MYO15B: variants seen among roughly 807,000 people sequenced by gnomAD.
MYO15B encodes myosin XVB pseudogene.
MYO15B carries 207 observed loss-of-function variants against 119.3 expected under a neutral mutation model. The observed-to-expected ratio is 1.73, with a 90% CI of 1.55 to 1.95. The LOEUF (loss-of-function observed/expected upper bound fraction) is 1.95. MYO15B is among the 30% of genes most tolerant of loss of function. The pLI is 0.00. For missense variants in MYO15B, 2,264 were observed against 1,203.1 expected (o/e 1.88, Z -13.04); for synonymous variants, 966 against 498.9 (o/e 1.94, Z -12.48).
intron 14 of MYO15B, among the ~76,000 whole-genome samples, chr17:75,599,247 A>G (rs916419706): frequency 3.3e-5 from 5 of 149,736 alleles, no homozygotes; most frequent in Admixed American, 6.6e-5. Context: ...GACTCCTACT[A>G]TCATTCCCAA....
chr17:75,619,759 G>A (rs1046020111), exon 46 of MYO15B: 15 of 702,780 alleles, frequency 2.1e-5, no homozygotes, highest in South Asian at 1.2e-4. Flanking sequence ...CCAAGGCCCC[G>A]GCCTCCGCCC....
At chr17:75,611,608 G>T (rs2058034517) in exon 24 of MYO15B, 1 of 702,810 alleles carries the variant, frequency 1.4e-6, no homozygotes, top group East Asian at 2.7e-5. Flanking sequence ...CAGGAGCTGG[G>T]GCGCTTGGAG....
Position 75,594,978 on chromosome 17 carries a change from C to A in MYO15B, c.3297+6C>A. On this transcript the variant is annotated splice_donor_region_variant and intron_variant, in intron 12 of 63. Transcript: ENST00000645453. ...TGGATGCCTACGGCTTTGAGGTCAC[C>A]CCTTGGGGTGGGGCCCAGGAAAGGG... 1.4e-6 allele frequency: 1 copy of A among 702,874 alleles called. No homozygotes were observed. Among genetic ancestry groups the A allele is most frequent in the Non-Finnish European group, 2.6e-6 (1 of 384,910 alleles). 43.5% of individuals were successfully genotyped at this position (702,874 alleles called of 1,614,324 possible). A position where few individuals can be genotyped will look rare whatever the true frequency, so the allele number is the denominator to read the frequency against.
chr17:75,615,828 C>T (rs1368368184), exon 36 of MYO15B: 5 of 702,494 alleles, frequency 7.1e-6, no homozygotes, highest in South Asian at 1.5e-5. Context: ...CAGGAAGCCC[C>T]CCACACCCCC....
chr17:75,602,891 C>T (rs374985606), exon 17 of MYO15B: 14 of 686,338 alleles, frequency 2.0e-5, no homozygotes, highest in South Asian at 9.3e-5. Flanking sequence ...GGCAGACCCA[C>T]GCTGGCCTCT....
In MYO15B at chr17:75,602,878, C is replaced by T. The variant is rs1321433575; in HGVS notation, c.3778C>T (p.Arg1260Ter). Reference sequence around the variant, plus strand: ...GGCAGAGCCCCAGTCCAGGGGAGGGCGAGGCAGACCCACGCTGGCCTCTCG... The same window carrying T: ...GGCAGAGCCCCAGTCCAGGGGAGGGTGAGGCAGACCCACGCTGGCCTCTCG... The change falls in exon 17 of 64, where the codon CGA (arginine) becomes TGA (stop). Residue 1260 changes from arginine to a stop codon, truncating the protein, a stop_gained. Coordinates refer to ENST00000645453, the Ensembl canonical transcript of MYO15B. LOFTEE classifies it high-confidence loss of function. 5 of 676,744 alleles carry T rather than the reference C, an allele frequency of 7.4e-6. No homozygotes were observed. The highest frequency in any genetic ancestry group is 2.1e-5 in the Admixed American group (1 of 47,472). 41.9% of individuals were successfully genotyped at this position (676,744 alleles called of 1,614,324 possible).
exon 12 of MYO15B, chr17:75,594,943 G>A (rs1030923283): frequency 3.6e-5 from 25 of 702,958 alleles, no homozygotes; most frequent in Admixed American, 8.0e-5. Flanking sequence ...CATTGGCACC[G>A]TCACTGTCGT....
rs1293367033 is a variant in MYO15B, at chr17:75,619,816, C to A, written c.7301+17C>A. ...CTCATACAGGTGCGCTAGCCCACGACCCTGGGCTAGAGGTGGGGGCAGGTG... is the reference window on the plus strand; with the variant it reads ...CTCATACAGGTGCGCTAGCCCACGAACCTGGGCTAGAGGTGGGGGCAGGTG... On this transcript the variant is annotated intron_variant, in intron 46 of 63. Transcript: ENST00000645453. 3.1e-5 allele frequency: 22 copies of A among 702,796 alleles called. No individual in the cohort carries two copies. Among genetic ancestry groups the A allele is most frequent in the Non-Finnish European group, 5.5e-5 (21 of 384,858 alleles). 43.5% of individuals were successfully genotyped at this position (702,796 alleles called of 1,614,324 possible).
intron 21 of MYO15B, among the ~76,000 whole-genome samples, chr17:75,607,653 T>C (rs908388619): frequency 2.6e-5 from 4 of 151,868 alleles, no homozygotes; most frequent in Non-Finnish European, 5.9e-5. Flanking sequence ...GAGACGGGGT[T>C]TCACCATGTT....
rs2148013741 is a variant in MYO15B, at chr17:75,614,770, CAG to C, written c.5483-2_5483-1del. ...TGGCTCCAACCCTCTCCCTGCCCCA[CAG>C]GGGAGGTCCAGAGGTCAGGGAGCCT... On this transcript the variant is annotated splice_acceptor_variant, in intron 31 of 63. Transcript: ENST00000645453. LOFTEE classifies it high-confidence loss of function. 1.4e-6 allele frequency: 1 copy of C among 702,814 alleles called. No individual in the cohort carries two copies. The highest frequency in any genetic ancestry group is 2.7e-5 in the East Asian group (1 of 37,280). 43.5% of individuals were successfully genotyped at this position (702,814 alleles called of 1,614,324 possible). A position where few individuals can be genotyped will look rare whatever the true frequency, so the allele number is the denominator to read the frequency against.
chr17:75,592,181 C>T (rs73366113), intron 6 of MYO15B, 57 bp from the exon 7 acceptor site: 18 of 701,228 alleles, frequency 2.6e-5, no homozygotes, highest in South Asian at 8.9e-5. Flanking sequence ...TTCTTCTGCA[C>T]GGGGCCCCTG....
intron 16 of MYO15B, 71 bp downstream of exon 16, chr17:75,602,665 G>T: frequency 1.6e-6 from 1 of 612,608 alleles, no homozygotes; most frequent in Non-Finnish European, 2.9e-6. Context: ...TTTCCCCCTG[G>T]GCGCTCTTGC....
chr17:75,603,371 C>T, intron 19 of MYO15B, 59 bp downstream of exon 19: 2 of 689,738 alleles, frequency 2.9e-6, no homozygotes, highest in East Asian at 5.4e-5. Flanking sequence ...TGACTGGCAG[C>T]CCCGGGGGTC....
chr17:75,622,108 G>A (rs758309128), intron 53 of MYO15B, 28 bp downstream of exon 53: 46 of 702,338 alleles, frequency 6.5e-5, no homozygotes, highest in Middle Eastern at 2.3e-4. Context: ...GACCCCCAGC[G>A]CCTGTGCCTG....
rs1361064846 is a variant in MYO15B at position 75,589,232 on chromosome 17, A to T, written c.1175A>T (p.Glu392Val). Residue 392 changes from glutamate to valine, a missense_variant, in exon 1 of 64, where the codon GAG becomes GTG. Glu to Val is a moderately radical substitution (Grantham distance 121). Transcript: ENST00000645453. This position sits in a 1 kb window ranked among gnomAD's most constrained non-coding sequence, Gnocchi z 4.2. ...CTGCGGCTGCGGCGGCGGCCGCCAG[A>T]GGGCGAGGGGCAGGGTACCGGGCCA... 5 of 398,960 alleles carry T rather than the reference A, an allele frequency of 1.3e-5. No homozygotes were observed. In the East Asian group the frequency reaches 1.8e-4, roughly 14 times the overall value. The allele number at this position is 398,960 out of a possible 1,614,324, so 24.7% of individuals were successfully genotyped here. A position where few individuals can be genotyped will look rare whatever the true frequency, so the allele number is the denominator to read the frequency against.
rs908522650 is a variant in MYO15B, at chr17:75,602,667, C to G, written c.3729+73C>G. 9.8e-6 allele frequency: 6 copies of G among 612,032 alleles called. No individual in the cohort carries two copies. In the African/African-American group the frequency reaches 1.1e-4, roughly 11 times the overall value. 37.9% of individuals were successfully genotyped at this position (612,032 alleles called of 1,614,324 possible). Reference sequence around the variant, plus strand: ...CCAATTCTGTCCTTTTCCCCCTGGGCGCTCTTGCCCAAGGGTTGGCCCTCA... The same window carrying G: ...CCAATTCTGTCCTTTTCCCCCTGGGGGCTCTTGCCCAAGGGTTGGCCCTCA... On this transcript the variant is annotated intron_variant, in intron 16 of 63. Transcript: ENST00000645453.
At chr17:75,608,726 T>TTTG (rs141390322) in intron 21 of MYO15B, among the ~76,000 whole-genome samples, 4 of 151,476 alleles carry the variant, frequency 2.6e-5, no homozygotes, top group South Asian at 2.1e-4. Flanking sequence ...CCCGGCTAAT[T>TTTG]TTGTTGTTGT....
chr17:75,594,258 G>A (rs1020835083), intron 9 of MYO15B, among the ~76,000 whole-genome samples: 29 of 152,288 alleles, frequency 1.9e-4, no homozygotes, highest in Middle Eastern at 6.8e-3. Flanking sequence ...GAAGGAAGGA[G>A]CCTGGCCAGA....
At position 75,592,238 on chromosome 17, in the gene MYO15B, AG is replaced by A. The variant is rs1321429779; in HGVS notation, c.2656del (p.Val886SerfsTer40). The A allele has an allele frequency of 1.4e-6, 1 of 702,648 alleles. No individual in the cohort carries two copies. The highest frequency in any genetic ancestry group is 2.6e-6 in the Non-Finnish European group (1 of 384,934). The allele number at this position is 702,648 out of a possible 1,614,324, so 43.5% of individuals were successfully genotyped here. A position where few individuals can be genotyped will look rare whatever the true frequency, so the allele number is the denominator to read the frequency against. ...TCACACCCATCTTCTGTGCCCACAG[AG>A]GGGTCATCGTGGGAGCCTCTGTGTC... On this transcript the variant is annotated frameshift_variant and splice_region_variant, in exon 7 of 64. Transcript: ENST00000645453. LOFTEE classifies it high-confidence loss of function.
Sources: allele counts gnomAD v4.1 joint callset (sites outside exome capture counted in the v4.1 genomes callset), GRCh38; gene constraint gnomAD v4.1.1; non-coding constraint Gnocchi (gnomAD v3.1); transcripts MANE v1.5; gene names NCBI Gene and HGNC (gene_info 2026-07-23, HGNC 2026-07-21).